MTA1: variants seen among roughly 807,000 people sequenced by gnomAD.
MTA1 encodes the protein metastasis associated 1, also known as metastasis-associated protein MTA1.
Under a neutral mutation model 97.0 loss-of-function variants are expected in MTA1, and 15 were observed. The observed-to-expected ratio is 0.15, with a 90% CI of 0.10 to 0.24. The LOEUF is 0.24. Ranked by LOEUF, MTA1 falls within the 10% of genes least tolerant of loss-of-function variation. The pLI, the probability that MTA1 is intolerant of heterozygous loss-of-function variation, is 1.00. For synonymous variants in MTA1, 435 were observed against 417.5 expected, an observed-to-expected ratio of 1.04 and a Z score of -0.51; for missense variants, 709 against 1,015.1, an observed-to-expected ratio of 0.70 and a Z score of 4.10.
In MTA1 at chr14:105,432,819, A is replaced by G. The variant is rs959152034; in HGVS notation, c.29-5853A>G. On this transcript the variant is annotated intron_variant, in intron 1 of 20. Coordinates refer to ENST00000331320, the MANE Select transcript of MTA1 (RefSeq NM_004689.4). ...AGGTAAAATGAGAGGCAAAGTCTGCATTGCCACACAGATTTGCAGTGAGCT... is the reference window on the plus strand; with the variant it reads ...AGGTAAAATGAGAGGCAAAGTCTGCGTTGCCACACAGATTTGCAGTGAGCT... Among the ~76,000 whole-genome samples the G allele has an allele frequency of 3.9e-5, 6 of 152,356 alleles. No homozygotes were observed. In the South Asian group the frequency reaches 1.2e-3, roughly 32 times the overall value.
chr14:105,470,194 G>T lies in MTA1; in HGVS notation c.2127G>T (p.Glu709Asp). ...RPPPPAPVND[E>D]PIVIED is the part of the protein sequence containing the mutation. ...CGCCACCTGCGCCCGTCAACGACGAGCCCATCGTCATCGAGGACTAGGGGC... is the reference window on the plus strand; with the variant it reads ...CGCCACCTGCGCCCGTCAACGACGATCCCATCGTCATCGAGGACTAGGGGC... Residue 709 changes from glutamate to aspartate, a missense_variant, in exon 21 of 21, where the codon GAG (glutamate) becomes GAT (aspartate). Physicochemically the swap from Glu to Asp is conservative, Grantham distance 45. Transcript: ENST00000331320. The T allele has an allele frequency of 6.2e-7, 1 of 1,603,298 alleles. No individual in the cohort carries two copies. Among genetic ancestry groups the T allele is most frequent in the Non-Finnish European group, 8.5e-7 (1 of 1,176,280 alleles).
At position 105,420,244 on chromosome 14, in the gene MTA1, G is replaced by C. The variant is rs1382682319; in HGVS notation, c.28+181G>C. Among the ~76,000 whole-genome samples the C allele has an allele frequency of 6.7e-6, 1 of 148,550 alleles. No homozygotes were observed. Among genetic ancestry groups the C allele is most frequent in the Non-Finnish European group, 1.5e-5 (1 of 66,586 alleles). On this transcript the variant is annotated intron_variant, in intron 1 of 20. Transcript: ENST00000331320. This position sits in a 1 kb window ranked among gnomAD's most constrained non-coding sequence, Gnocchi z 5.3. ...CACCCCAACCCAAAATGGCCCCGCG[G>C]GTCGGCCCCATCGGGGGCGGGCGGG...
At position 105,463,672 on chromosome 14, in the gene MTA1, C is replaced by T; in HGVS notation, c.1076+121C>T. 9.4e-7 allele frequency: 1 copy of T among 1,060,808 alleles called. No homozygotes were observed. Among genetic ancestry groups the T allele is most frequent in the East Asian group, 2.4e-5 (1 of 41,862 alleles). The allele number at this position is 1,060,808 out of a possible 1,614,324, so 65.7% of individuals were successfully genotyped here. A position where few individuals can be genotyped will look rare whatever the true frequency, so the allele number is the denominator to read the frequency against. On this transcript the variant is annotated intron_variant, in intron 12 of 20. Transcript: ENST00000331320. This position sits in a 1 kb window ranked among gnomAD's most constrained non-coding sequence, Gnocchi z 5.9. ...AGCTCAGAGGCTGGGAAAGTTGGGGCAGCCCCCGGGAGGGCGGCCCAGGGC... is the reference window on the plus strand; with the variant it reads ...AGCTCAGAGGCTGGGAAAGTTGGGGTAGCCCCCGGGAGGGCGGCCCAGGGC...
chr14:105,444,268 G>C lies in MTA1; in HGVS notation c.97-1150G>C, dbSNP rs782255776. 2.0e-5 allele frequency among the ~76,000 whole-genome samples: 3 copies of C among 149,822 alleles called. No individual in the cohort carries two copies. In the South Asian group the frequency reaches 6.3e-4, roughly 32 times the overall value. ...TGGGCGCCTGTAGTCCCAGCTACTCGGGAGGCTGAGGCAGGAGAATGGCGT... is the reference window on the plus strand; with the variant it reads ...TGGGCGCCTGTAGTCCCAGCTACTCCGGAGGCTGAGGCAGGAGAATGGCGT... On this transcript the variant is annotated intron_variant, in intron 2 of 20. Coordinates refer to ENST00000331320, the MANE Select transcript of MTA1 (RefSeq NM_004689.4).
At chr14:105,428,786 CT>C (rs2082087276) in intron 1 of MTA1, among the ~76,000 whole-genome samples, 1 of 151,178 alleles carries the variant, frequency 6.6e-6, no homozygotes, top group Admixed American at 6.6e-5. Context: ...GTGGTATGAT[CT>C]TGGCTCACTG....
At position 105,469,919 on chromosome 14, in the gene MTA1, C is replaced by T; in HGVS notation, c.1924C>T (p.Pro642Ser). 1 of 1,612,140 alleles carries T rather than the reference C, an allele frequency of 6.2e-7. No individual in the cohort carries two copies. Among genetic ancestry groups the T allele is most frequent in the Non-Finnish European group, 8.5e-7 (1 of 1,179,656 alleles). Residue 642 changes from proline (P) to serine (S), a missense_variant, in exon 20 of 21, where the codon CCA becomes TCA. Around this residue, in one of 2 missense-constraint regions of MTA1, gnomAD observed 388 missense variants for 421.6 expected, o/e 0.92. Coordinates refer to ENST00000331320, the MANE Select transcript of MTA1 (RefSeq NM_004689.4). ...CCTGATCCGGGGGGGCTCCCTGCCC[C>T]CAGTCAAGCGGCGGCGGATGAACTG... ...VRLIRGGSLP[P>S]VKRRRMNWID...
In MTA1 at chr14:105,463,405, TCTC is replaced by T; in HGVS notation, c.1018-84_1018-82del. ...GGCCCGGCTGTCCTCTCCGTGGTGC[TCTC>T]CTCTCCGTAGCCTCCAGCCTGTCTG... On this transcript the variant is annotated intron_variant, in intron 11 of 20. Coordinates refer to ENST00000331320, the MANE Select transcript of MTA1 (RefSeq NM_004689.4). This position sits in a 1 kb window ranked among gnomAD's most constrained non-coding sequence, Gnocchi z 5.9. 6.6e-7 allele frequency: 1 copy of T among 1,526,044 alleles called. No homozygotes were observed. The highest frequency in any genetic ancestry group is 9.1e-7 in the Non-Finnish European group (1 of 1,102,898). The allele number at this position is 1,526,044 out of a possible 1,614,324, so 94.5% of individuals were successfully genotyped here. A position where few individuals can be genotyped will look rare whatever the true frequency, so the allele number is the denominator to read the frequency against.
At chr14:105,468,460 G>A (rs2083688946) in intron 18 of MTA1, 1 of 1,040,100 alleles carries the variant, frequency 9.6e-7, no homozygotes, top group Non-Finnish European at 1.3e-6. Flanking sequence ...CAGGCACCTG[G>A]GCCCCCACCT....
intron 1 of MTA1, among the ~76,000 whole-genome samples, chr14:105,434,545 A>C (rs868975336): frequency 1.5e-5 from 2 of 132,242 alleles, no homozygotes; most frequent in South Asian, 4.7e-4. Flanking sequence ...CCCAGGCTGG[A>C]GTGCAGTGAA....
In MTA1 at chr14:105,469,931, C is replaced by T. The variant is rs782259901; in HGVS notation, c.1936C>T (p.Arg646Trp). The change falls in exon 20 of 21, where the codon CGG (arginine) becomes TGG (tryptophan). Residue 646 changes from arginine to tryptophan, a missense_variant. This residue lies in a region of MTA1 where 388 missense variants were observed against 421.6 expected (regional missense o/e 0.92). Coordinates refer to ENST00000331320, the MANE Select transcript of MTA1 (RefSeq NM_004689.4). ...GGGCTCCCTGCCCCCAGTCAAGCGGCGGCGGATGAACTGGATCGACGCCCC... is the reference window on the plus strand; with the variant it reads ...GGGCTCCCTGCCCCCAGTCAAGCGGTGGCGGATGAACTGGATCGACGCCCC... ...RGGSLPPVKR[R>W]RMNWIDAPDD... is the part of the protein sequence containing the mutation. 3.7e-6 allele frequency: 6 copies of T among 1,612,070 alleles called. No homozygotes were observed. The highest frequency in any genetic ancestry group is 2.2e-5 in the East Asian group (1 of 44,876).
intron 3 of MTA1, 185 bp downstream of exon 3, chr14:105,445,696 C>A: frequency 1.4e-6 from 1 of 720,858 alleles, no homozygotes; most frequent in Non-Finnish European, 2.5e-6. Context: ...TCCGTTTCCT[C>A]GGGGGCTGGG....
chr14:105,440,942 C>T (rs2082490425), intron 2 of MTA1, among the ~76,000 whole-genome samples: 1 of 152,222 alleles, frequency 6.6e-6, no homozygotes, highest in South Asian at 2.1e-4. Flanking sequence ...GGGCTCTGCA[C>T]CCACAGGGCA....
rs1007949441 is a variant in MTA1, at chr14:105,452,451, G to A, written c.433-1742G>A. Among the ~76,000 whole-genome samples the A allele has an allele frequency of 2.0e-5, 3 of 152,254 alleles. No individual in the cohort carries two copies. In the East Asian group the frequency reaches 5.8e-4, roughly 29 times the overall value. On this transcript the variant is annotated intron_variant, in intron 6 of 20. Coordinates refer to ENST00000331320, the MANE Select transcript of MTA1 (RefSeq NM_004689.4). ...CCCAGCACTTTGGGAGGCCAAGGCC[G>A]GGGGAATCACTTGAGCTCAGGAGTT...
chr14:105,435,928 T>G (rs1390362532), intron 1 of MTA1, among the ~76,000 whole-genome samples: 1 of 152,196 alleles, frequency 6.6e-6, no homozygotes, highest in Admixed American at 6.6e-5. Flanking sequence ...CTCTCTTTGT[T>G]TCTTTGTCAG....
At chr14:105,441,715 AC>A (rs1555425730) in intron 2 of MTA1, among the ~76,000 whole-genome samples, 2 of 152,152 alleles carry the variant, frequency 1.3e-5, no homozygotes, top group South Asian at 2.1e-4. Context: ...AATGGCGTGA[AC>A]CCGGGAGGTG....
intron 8 of MTA1, among the ~76,000 whole-genome samples, chr14:105,458,803 G>A (rs1422952770): frequency 3.9e-5 from 6 of 152,196 alleles, no homozygotes; most frequent in African/African-American, 1.4e-4. Context: ...GGGAGGTGGA[G>A]AAAACCCCAA....
chr14:105,454,398 C>A, intron 7 of MTA1, 88 bp downstream of exon 7: 2 of 934,562 alleles, frequency 2.1e-6, no homozygotes, highest in Non-Finnish European at 1.7e-6. Context: ...TGGGACATGG[C>A]CGTGTCAGTG....
At chr14:105,457,331 C>T (rs1555430106) in intron 7 of MTA1, among the ~76,000 whole-genome samples, 1 of 152,262 alleles carries the variant, frequency 6.6e-6, no homozygotes, top group Admixed American at 6.5e-5. Context: ...GCTGTTTCGT[C>T]AGAAACCCTC....
rs587766434 is a variant in MTA1, at chr14:105,460,806, C to T, written c.795C>T (p.Ile265=). 1.9e-5 allele frequency: 30 copies of T among 1,609,800 alleles called. No homozygotes were observed. In the South Asian group the frequency reaches 3.2e-4, roughly 17 times the overall value. Residue 265 remains isoleucine, a synonymous_variant, in exon 10 of 21, where the codon ATC becomes ATT. Transcript: ENST00000331320. ...MDTLHKNIYD[I]SKAISALVPQ... ...CTCTCCACAAGAACATCTACGACAT[C>T]TCCAAGGCCATCTCGGCGCTGGTGC... is the stretch of plus-strand genomic sequence containing the variant.
Sources: gnomAD v4.1 joint callset for allele counts (sites outside exome capture counted in the v4.1 genomes callset) on GRCh38, gnomAD v4.1.1 for gene constraint, gnomAD v4.1.1 regional missense constraint, Gnocchi (gnomAD v3.1) non-coding constraint, MANE v1.5 for transcripts, NCBI Gene and HGNC (gene_info 2026-07-23, HGNC 2026-07-21) for gene names.